SYTL4: variants seen among roughly 807,000 people sequenced by gnomAD.
SYTL4 encodes synaptotagmin-like protein 4.
SYTL4 carries 16 observed loss-of-function variants against 52.7 expected under a neutral mutation model. The observed-to-expected ratio is 0.30, with a 90% confidence interval of 0.21 to 0.46. The LOEUF (loss-of-function observed/expected upper bound fraction) is 0.46, where lower values mean the gene tolerates loss of function less well. SYTL4 is among the 20% of genes least tolerant of loss of function. The probability of loss-of-function intolerance (pLI) is 1.00; values close to 1 mark genes in which losing one functional copy is unlikely to be tolerated. For missense variants in SYTL4, 423 were observed against 519.9 expected, an observed-to-expected ratio of 0.81 and a Z score of 1.81; for synonymous variants, 160 against 186.6, an observed-to-expected ratio of 0.86 and a Z score of 1.16.
chrX:100,695,389 T>C (rs1432239917), intron 8 of SYTL4, among the ~76,000 whole-genome samples: 1 of 111,833 alleles, frequency 8.9e-6, no homozygotes, highest in African/African-American at 3.3e-5. Flanking sequence ...AAGAGTCTTC[T>C]GGGTCCAATG....
At chrX:100,714,764 A>C (rs1451552553) in intron 2 of SYTL4, among the ~76,000 whole-genome samples, 3 of 111,788 alleles carry the variant, frequency 2.7e-5, no homozygotes, top group African/African-American at 9.8e-5. Context: ...TAGTAAGTGC[A>C]TCCAAACAAT....
At chrX:100,677,119 T>C (rs1412839365) in intron 19 of SYTL4, among the ~76,000 whole-genome samples, 2 of 112,189 alleles carry the variant, frequency 1.8e-5, no homozygotes, top group Non-Finnish European at 3.8e-5. Flanking sequence ...GGAACTACTG[T>C]GCAGATGGAG....
chrX:100,721,371 C>G (rs1028242813), intron 2 of SYTL4, among the ~76,000 whole-genome samples: 13 of 111,581 alleles, frequency 1.2e-4, no homozygotes, highest in Admixed American at 9.5e-4. Context: ...ATCAGCACAT[C>G]AATAAGGATG....
intron 2 of SYTL4, among the ~76,000 whole-genome samples, chrX:100,717,445 T>C (rs1239347608): frequency 8.9e-6 from 1 of 112,937 alleles, no homozygotes; most frequent in East Asian, 2.8e-4. Flanking sequence ...GCAAAGTGCG[T>C]AGCACTTACA....
At chrX:100,697,694 C>T (rs2083732887) in intron 8 of SYTL4, among the ~76,000 whole-genome samples, 1 of 109,409 alleles carries the variant, frequency 9.1e-6, no homozygotes, top group African/African-American at 3.3e-5. Context: ...AAGATTAGAG[C>T]AAAGAACAAA....
At chrX:100,718,122 A>G (rs2084265643) in intron 2 of SYTL4, among the ~76,000 whole-genome samples, 1 of 112,007 alleles carries the variant, frequency 8.9e-6, no homozygotes, top group African/African-American at 3.2e-5. Flanking sequence ...CCTGGCCTAG[A>G]GTAAGCACCC....
intron 8 of SYTL4, among the ~76,000 whole-genome samples, chrX:100,696,312 A>G (rs1447127194): frequency 1.8e-5 from 2 of 112,397 alleles, no homozygotes; most frequent in African/African-American, 6.5e-5. Context: ...CCAGCAGTGT[A>G]TAAGAATGCT....
At chrX:100,715,091 G>C (rs956779843) in intron 2 of SYTL4, among the ~76,000 whole-genome samples, 1 of 111,913 alleles carries the variant, frequency 8.9e-6, no homozygotes, top group Non-Finnish European at 1.9e-5. Context: ...CACAATCGTA[G>C]CTCAGTGTAG....
chrX:100,688,849 G>T (rs2147713159), intron 12 of SYTL4, among the ~76,000 whole-genome samples: 1 of 110,052 alleles, frequency 9.1e-6, no homozygotes. Context: ...ACAGGCATGA[G>T]CCACCATGCC....
Position 100,691,176 on chromosome X carries a change from T to A in SYTL4, c.573A>T (p.Gly191=), listed in dbSNP as rs865973040. 4.1e-6 allele frequency: 5 copies of A among 1,209,121 alleles called. No homozygotes were observed. The South Asian group carries it at 8.9e-5, about 22-fold the overall frequency. ...CACTCTCAGCTTCCAATGCACTCTTTCCACTTTTCAGCTTTGGCACTTCAA... is the reference window on the plus strand; with the variant it reads ...CACTCTCAGCTTCCAATGCACTCTTACCACTTTTCAGCTTTGGCACTTCAA... ...VLFEVPKLKS[G]KSALEAESES... The change falls in exon 9 of 20, where the codon GGA becomes GGT. Residue 191 remains glycine (G), a synonymous_variant. Coordinates refer to ENST00000372989, the MANE Select transcript of SYTL4 (RefSeq NM_001370165.1).
At position 100,678,517 on chromosome X, in the gene SYTL4, T is replaced by C. The variant is rs1477102212; in HGVS notation, c.1741A>G (p.Thr581Ala). 8.3e-7 allele frequency: 1 copy of C among 1,210,417 alleles called. No individual in the cohort carries two copies. The highest frequency in any genetic ancestry group is 2.2e-5 in the Admixed American group (1 of 46,024). ...AGCCTCACACCATTGTAGACAAATG[T>C]ATGGTTGTAGTGAGGATTCAGGGTC... ...KKTLNPHYNH[T>A]FVYNGVRLED... Residue 581 changes from threonine to alanine, a missense_variant, in exon 19 of 20, where the codon ACA becomes GCA. Thr to Ala is a moderately conservative substitution (Grantham distance 58). Transcript: ENST00000372989.
At chrX:100,712,228 A>G (rs1418711954) in intron 2 of SYTL4, among the ~76,000 whole-genome samples, 1 of 112,364 alleles carries the variant, frequency 8.9e-6, no homozygotes, top group Non-Finnish European at 1.9e-5. Context: ...CAATGGTAAC[A>G]ATGTAGGTAA....
rs1363520415 is a variant in SYTL4, at chrX:100,687,215, T to C, written c.1036A>G (p.Ser346Gly). 1 of 1,211,644 alleles carries C rather than the reference T, an allele frequency of 8.3e-7. No individual in the cohort carries two copies. The highest frequency in any genetic ancestry group is 1.1e-6 in the Non-Finnish European group (1 of 895,401). The change falls in exon 14 of 20, where the codon AGT (serine) becomes GGT (glycine). Residue 346 changes from serine to glycine, a missense_variant. By Grantham distance (56) the Ser-to-Gly change is moderately conservative. Transcript: ENST00000372989. Reference sequence around the variant, plus strand: ...ATGTTCCCGAAATCACCAGCTTCACTGTAGATGCTCATCATGCTGCCGATC... The same window carrying C: ...ATGTTCCCGAAATCACCAGCTTCACCGTAGATGCTCATCATGCTGCCGATC... ...STIGSMMSIY[S>G]EAGDFGNIFV...
chrX:100,679,994 T>C (rs183603003), intron 17 of SYTL4, among the ~76,000 whole-genome samples: 288 of 112,276 alleles, frequency 2.6e-3, no homozygotes, highest in Middle Eastern at 4.6e-3. Flanking sequence ...CTATTCTCCA[T>C]GTCTCTACTT....
chrX:100,718,280 A>G (rs1035589400), intron 2 of SYTL4, among the ~76,000 whole-genome samples: 4 of 111,938 alleles, frequency 3.6e-5, no homozygotes, highest in Non-Finnish European at 7.5e-5. Flanking sequence ...ACCTCTCTGC[A>G]TGGAGGGAGG....
intron 8 of SYTL4, among the ~76,000 whole-genome samples, chrX:100,693,141 G>T (rs2083635177): frequency 9.0e-6 from 1 of 111,397 alleles, no homozygotes; most frequent in South Asian, 3.8e-4. Context: ...TGTTGGCCAG[G>T]CTGGTCTTGA....
chrX:100,730,713 TG>T (rs1299430337), intron 2 of SYTL4, among the ~76,000 whole-genome samples: 1 of 111,248 alleles, frequency 9.0e-6, no homozygotes, highest in Non-Finnish European at 1.9e-5. Context: ...GTGAGACACC[TG>T]AAATTGTGTT....
chrX:100,721,958 T>A (rs961051036), intron 2 of SYTL4, among the ~76,000 whole-genome samples: 1 of 109,634 alleles, frequency 9.1e-6, no homozygotes, highest in Non-Finnish European at 1.9e-5. Context: ...TGCGCCACCA[T>A]GCCCGGCTAA....
At chrX:100,688,699 G>A (rs1310485771) in intron 12 of SYTL4, among the ~76,000 whole-genome samples, 2 of 108,650 alleles carry the variant, frequency 1.8e-5, no homozygotes, top group African/African-American at 6.7e-5. Context: ...AGAGTAGCTG[G>A]GATTACAGGC....
Sources: gnomAD v4.1 joint callset for allele counts (sites outside exome capture counted in the v4.1 genomes callset) on GRCh38, gnomAD v4.1.1 for gene constraint, MANE v1.5 for transcripts, NCBI Gene and HGNC (gene_info 2026-07-23, HGNC 2026-07-21) for gene names.